NAALADL2: variants seen among roughly 807,000 people sequenced by gnomAD.
NAALADL2 encodes N-acetylated alpha-linked acidic dipeptidase like 2, also known as inactive N-acetylated-alpha-linked acidic dipeptidase-like protein 2.
Under a neutral mutation model 87.2 loss-of-function variants are expected in NAALADL2, and 76 were observed. That is an observed-to-expected ratio of 0.87 (90% CI 0.72 to 1.05). The LOEUF (loss-of-function observed/expected upper bound fraction) is 1.05, where lower values mean the gene tolerates loss of function less well. Ranked by LOEUF, NAALADL2 falls within the 50% of genes least tolerant of loss-of-function variation. The pLI is 0.00. For missense variants in NAALADL2, 1,089 were observed against 945.8 expected, an observed-to-expected ratio of 1.15 and a Z score of -1.99; for synonymous variants, 354 against 331.0, an observed-to-expected ratio of 1.07 and a Z score of -0.75.
chr3:174,651,564 TTTA>T (rs1258119112), intron 2 of NAALADL2, among the ~76,000 whole-genome samples: 1 of 152,210 alleles, frequency 6.6e-6, no homozygotes, highest in Non-Finnish European at 1.5e-5. Flanking sequence ...TAACTTAGGC[TTTA>T]TTAATCAAAT....
intron 1 of NAALADL2, among the ~76,000 whole-genome samples, chr3:175,013,169 AATACATATTTATATATAAATATAT>A (rs1183635201): frequency 9.1e-6 from 1 of 110,080 alleles, no homozygotes; most frequent in Admixed American, 1.0e-4. Context: ...ATAAATATGT[AATACATATTTATATATAAATATAT>A]ATACATAAAT....
intron 1 of NAALADL2, among the ~76,000 whole-genome samples, chr3:174,452,198 G>A (rs1015092231): frequency 6.6e-5 from 10 of 152,156 alleles, no homozygotes; most frequent in Non-Finnish European, 1.2e-4. Context: ...TTTGGTGTCT[G>A]CATTTTAGTA....
intron 1 of NAALADL2, among the ~76,000 whole-genome samples, chr3:175,018,294 C>T (rs549280497): frequency 6.4e-4 from 98 of 152,010 alleles, no homozygotes; most frequent in Non-Finnish European, 8.8e-4. Context: ...AGATTTTAGT[C>T]GGCTCTTGCA....
In NAALADL2 at chr3:175,242,152, G is replaced by A. The variant is rs545433625; in HGVS notation, c.819+7948G>A. Among the ~76,000 whole-genome samples the A allele has an allele frequency of 3.3e-5, 5 of 152,096 alleles. No homozygotes were observed. The South Asian group carries it at 6.2e-4, about 19-fold the overall frequency. On this transcript the variant is annotated intron_variant, in intron 3 of 13. Transcript: ENST00000454872. The stretch of plus-strand genomic sequence containing the variant: ...TGGGATTACAGGCATGAGCCACCGC[G>A]CCCGGCCCTGGATGCAGATTTTTAA...
At chr3:174,891,921 G>A (rs747063253) in intron 1 of NAALADL2, among the ~76,000 whole-genome samples, 11 of 151,930 alleles carry the variant, frequency 7.2e-5, no homozygotes, top group Admixed American at 4.6e-4. Context: ...GAGAAGAGAG[G>A]GAAGAGTAGG....
intron 10 of NAALADL2, among the ~76,000 whole-genome samples, chr3:175,587,115 A>C (rs1202514921): frequency 6.6e-6 from 1 of 152,206 alleles, no homozygotes; most frequent in Non-Finnish European, 1.5e-5. Context: ...ACCAACACTC[A>C]TTGACTCATT....
chr3:174,692,864 T>C (rs1728701768), intron 2 of NAALADL2, among the ~76,000 whole-genome samples: 3 of 151,600 alleles, frequency 2.0e-5, no homozygotes, highest in Non-Finnish European at 4.4e-5. Context: ...CAAGTTTTCA[T>C]ATTTTACTTC....
At chr3:175,211,779 T>C (rs760654273) in intron 2 of NAALADL2, among the ~76,000 whole-genome samples, 3 of 152,060 alleles carry the variant, frequency 2.0e-5, no homozygotes, top group Non-Finnish European at 4.4e-5. Context: ...TTATATTTCT[T>C]AATGGAAATA....
intron 11 of NAALADL2, among the ~76,000 whole-genome samples, chr3:175,697,529 G>C (rs901075981): frequency 1.3e-5 from 2 of 151,566 alleles, no homozygotes; most frequent in African/African-American, 4.9e-5. Context: ...CTACTTATGA[G>C]GGTGTATTGT....
At chr3:175,701,483 C>T (rs368705381) in intron 11 of NAALADL2, among the ~76,000 whole-genome samples, 12 of 151,990 alleles carry the variant, frequency 7.9e-5, no homozygotes, top group Non-Finnish European at 1.3e-4. Context: ...CCTATGTGTG[C>T]GTGTATTAAT....
At chr3:175,179,563 T>C (rs906554731) in intron 2 of NAALADL2, among the ~76,000 whole-genome samples, 3 of 151,944 alleles carry the variant, frequency 2.0e-5, no homozygotes, top group Admixed American at 6.6e-5. Context: ...CTTCATAATA[T>C]GAATATTTTT....
chr3:175,425,520 A>G (rs1177261193), intron 5 of NAALADL2, among the ~76,000 whole-genome samples: 4 of 152,136 alleles, frequency 2.6e-5, no homozygotes, highest in African/African-American at 7.2e-5. Context: ...TCTGCCATAA[A>G]TTTAGATGTA....
At chr3:175,430,625 T>G (rs1717589277) in intron 5 of NAALADL2, among the ~76,000 whole-genome samples, 1 of 152,058 alleles carries the variant, frequency 6.6e-6, no homozygotes, top group East Asian at 1.9e-4. Flanking sequence ...ATTCACTGAA[T>G]AAGTCTAACT....
chr3:175,551,922 CAA>C (rs11456834), intron 9 of NAALADL2, among the ~76,000 whole-genome samples: 7 of 122,676 alleles, frequency 5.7e-5, no homozygotes, highest in Admixed American at 8.4e-5. Flanking sequence ...GACTCTGTCT[CAA>C]AAAAAAAAAA....
intron 2 of NAALADL2, among the ~76,000 whole-genome samples, chr3:175,099,310 G>A (rs1214142856): frequency 6.6e-6 from 1 of 152,130 alleles, no homozygotes; most frequent in African/African-American, 2.4e-5. Context: ...AAAGTAACAT[G>A]TATGTCAAAG....
At chr3:175,470,345 A>G (rs1301355981) in intron 8 of NAALADL2, among the ~76,000 whole-genome samples, 1 of 152,052 alleles carries the variant, frequency 6.6e-6, no homozygotes. Flanking sequence ...TTGTTCAGTA[A>G]ATTTTATGTG....
chr3:174,773,381 T>A (rs1714818915), intron 3 of NAALADL2, among the ~76,000 whole-genome samples: 2 of 152,004 alleles, frequency 1.3e-5, no homozygotes, highest in African/African-American at 4.8e-5. Flanking sequence ...GACAATGGAG[T>A]GATCTACCCA....
intron 5 of NAALADL2, among the ~76,000 whole-genome samples, chr3:175,406,816 T>C (rs1422198484): frequency 1.3e-5 from 2 of 152,146 alleles, no homozygotes; most frequent in East Asian, 1.9e-4. Context: ...TTGTGCATTT[T>C]TTTTTCATTC....
At chr3:175,314,695 T>G (rs1272433474) in intron 4 of NAALADL2, among the ~76,000 whole-genome samples, 2 of 71,646 alleles carry the variant, frequency 2.8e-5, no homozygotes, top group African/African-American at 1.2e-4. Flanking sequence ...TATATATATA[T>G]ATATATATAT....
Sources: allele counts gnomAD v4.1 joint callset (sites outside exome capture counted in the v4.1 genomes callset), GRCh38; gene constraint gnomAD v4.1.1; transcripts MANE v1.5; gene names NCBI Gene and HGNC (gene_info 2026-07-23, HGNC 2026-07-21).